The following UGGT1 variants were observed in gnomAD, a reference collection of about 807,000 sequenced individuals.
The protein encoded by UGGT1 is UDP-glucose:glycoprotein glucosyltransferase 1.
In UGGT1, 107 loss-of-function variants were observed where a neutral mutation model predicts 203.9. The ratio of observed to expected loss-of-function variants is 0.52; its 90% CI spans 0.45 to 0.62. The LOEUF (loss-of-function observed/expected upper bound fraction) is 0.62. Ranked by LOEUF, UGGT1 falls within the 20% of genes least tolerant of loss-of-function variation. The pLI, the probability that UGGT1 is intolerant of heterozygous loss-of-function variation, is 0.00. For missense variants in UGGT1, 1,673 were observed against 1,867.2 expected, an observed-to-expected ratio of 0.90 and a Z score of 1.92; for synonymous variants, 628 against 653.5, an observed-to-expected ratio of 0.96 and a Z score of 0.59.
At chr2:128,111,854 A>G (rs1302851229) in intron 5 of UGGT1, among the ~76,000 whole-genome samples, 1 of 151,300 alleles carries the variant, frequency 6.6e-6, no homozygotes, top group Non-Finnish European at 1.5e-5. Context: ...AGAAAAATAT[A>G]CTTGGCCAGC....
intron 1 of UGGT1, among the ~76,000 whole-genome samples, chr2:128,096,541 G>T (rs891055716): frequency 1.3e-5 from 2 of 152,166 alleles, no homozygotes. Flanking sequence ...GGTCTCCTGT[G>T]TCTCTACATA....
Position 128,133,204 on chromosome 2 carries a change from C to T in UGGT1, c.1441C>T (p.Leu481Phe), listed in dbSNP as rs950615199. The stretch of plus-strand genomic sequence containing the variant: ...GTGGCCTTCTAGTTTACAAGAGTTG[C>T]TTCGACCCACCTTTCCTGGTGTTAT... ...NSWPSSLQEL[L>F]RPTFPGVIRQ... Residue 481 changes from leucine to phenylalanine, a missense_variant, in exon 14 of 41, where the codon CTT becomes TTT. Transcript: ENST00000259253. 1 of 1,614,082 alleles carries T rather than the reference C, an allele frequency of 6.2e-7. No individual in the cohort carries two copies. The highest frequency in any genetic ancestry group is 1.3e-5 in the African/African-American group (1 of 75,040).
intron 19 of UGGT1, among the ~76,000 whole-genome samples, chr2:128,155,286 T>C (rs1017525815): frequency 6.6e-6 from 1 of 152,210 alleles, no homozygotes; most frequent in Non-Finnish European, 1.5e-5. Context: ...ATATGTATGT[T>C]TCCATCAACC....
intron 16 of UGGT1, 98 bp from the exon 17 acceptor site, chr2:128,142,996 A>G: frequency 2.4e-6 from 3 of 1,275,340 alleles, no homozygotes; most frequent in Non-Finnish European, 2.1e-6. Context: ...AAAAAGAAAA[A>G]TAAGTATATT....
chr2:128,108,108 A>G (rs761144477), intron 4 of UGGT1, 40 bp downstream of exon 4: 3 of 1,608,450 alleles, frequency 1.9e-6, no homozygotes, highest in South Asian at 2.2e-5. Flanking sequence ...TTTAGAGTGT[A>G]TATCATGATG....
At chr2:128,135,772 C>T (rs1270885971) in intron 15 of UGGT1, among the ~76,000 whole-genome samples, 1 of 152,134 alleles carries the variant, frequency 6.6e-6, no homozygotes, top group East Asian at 1.9e-4. Context: ...CAAAAAAAAT[C>T]ATTGAGATAT....
chr2:128,122,440 A>G (rs1268423135), intron 10 of UGGT1, among the ~76,000 whole-genome samples: 4 of 152,048 alleles, frequency 2.6e-5, no homozygotes, highest in Non-Finnish European at 2.9e-5. Flanking sequence ...AGTCTGATGC[A>G]GGAGAATCGC....
intron 38 of UGGT1, 148 bp downstream of exon 38, chr2:128,183,937 T>TGAGAGA (rs71396517): frequency 2.7e-5 from 9 of 328,644 alleles, no homozygotes; most frequent in African/African-American, 6.7e-5. Flanking sequence ...TGTGTGTGTG[T>TGAGAGA]GAGAGAGAGA....
chr2:128,115,039 A>G, intron 6 of UGGT1, 85 bp from the exon 7 acceptor site: 1 of 1,187,756 alleles, frequency 8.4e-7, no homozygotes, highest in South Asian at 1.3e-5. Flanking sequence ...TGGCTAGTAG[A>G]TGCAACATTA....
At chr2:128,113,308 T>C (rs756696192) in intron 6 of UGGT1, 50 bp downstream of exon 6, 4 of 1,452,332 alleles carry the variant, frequency 2.8e-6, no homozygotes, top group Non-Finnish European at 3.7e-6. Flanking sequence ...TTGCCTAGCA[T>C]GACTTTAGAA....
chr2:128,169,612 T>G (rs1440736015), intron 26 of UGGT1, among the ~76,000 whole-genome samples: 2 of 152,240 alleles, frequency 1.3e-5, no homozygotes, highest in African/African-American at 4.8e-5. Flanking sequence ...ACAAATTGTT[T>G]ACAGGTTGAA....
chr2:128,147,786 T>A (rs1441392452), intron 18 of UGGT1, among the ~76,000 whole-genome samples: 1 of 152,056 alleles, frequency 6.6e-6, no homozygotes, highest in Non-Finnish European at 1.5e-5. Flanking sequence ...AATTTTTGTA[T>A]CTTTTTGTGG....
chr2:128,103,659 G>A (rs887200047), intron 2 of UGGT1, among the ~76,000 whole-genome samples: 5 of 151,962 alleles, frequency 3.3e-5, no homozygotes, highest in Non-Finnish European at 5.9e-5. Context: ...TTTATATTGA[G>A]ACTTCCCTTT....
chr2:128,116,423 T>G, intron 8 of UGGT1, 80 bp downstream of exon 8: 2 of 870,540 alleles, frequency 2.3e-6, no homozygotes, highest in East Asian at 2.4e-5. Context: ...AAGCATCATC[T>G]TACTCATTAC....
rs59726004 is a variant in UGGT1 at position 128,112,454 on chromosome 2, TTA to T, written c.522-612_522-611del. ...AAAAAACCCCCCAAAAAATACTATG[TTA>T]TATATATATATATATATTACATACA... On this transcript the variant is annotated intron_variant, in intron 5 of 40. Coordinates refer to ENST00000259253, the MANE Select transcript of UGGT1 (RefSeq NM_020120.4). Among the ~76,000 whole-genome samples the T allele has an allele frequency of 6.6e-3, 366 of 55,784 alleles. 56 individuals carry two copies. The Middle Eastern group carries it at 0.066, about 10-fold the overall frequency. The allele number at this position is 55,784 out of a possible 152,430, so 36.6% of individuals were successfully genotyped here. A position where few individuals can be genotyped will look rare whatever the true frequency, so the allele number is the denominator to read the frequency against.
At chr2:128,160,672 TCAGA>T (rs1190586758) in intron 24 of UGGT1, 81 bp downstream of exon 24, 1 of 1,509,630 alleles carries the variant, frequency 6.6e-7, no homozygotes, top group African/African-American at 1.4e-5. Context: ...AGTAAACTCT[TCAGA>T]CAGAGCCACT....
At chr2:128,170,844 G>A (rs554752383) in intron 27 of UGGT1, among the ~76,000 whole-genome samples, 1 of 152,224 alleles carries the variant, frequency 6.6e-6, no homozygotes, top group African/African-American at 2.4e-5. Flanking sequence ...ATTCATTGCC[G>A]AATAAATCTC....
chr2:128,112,703 C>T (rs928367979), intron 5 of UGGT1, among the ~76,000 whole-genome samples: 1 of 150,468 alleles, frequency 6.6e-6, no homozygotes, highest in Non-Finnish European at 1.5e-5. Context: ...TCACCTTAGC[C>T]TCCCAAGTAG....
At chr2:128,150,521 G>T (rs1042424039) in intron 18 of UGGT1, among the ~76,000 whole-genome samples, 2 of 152,046 alleles carry the variant, frequency 1.3e-5, no homozygotes, top group Non-Finnish European at 2.9e-5. Flanking sequence ...ACACCCCTGT[G>T]CTGTACTACT....
Sources: allele counts gnomAD v4.1 joint callset (sites outside exome capture counted in the v4.1 genomes callset), GRCh38; gene constraint gnomAD v4.1.1; transcripts MANE v1.5; gene names NCBI Gene and HGNC (gene_info 2026-07-23, HGNC 2026-07-21).